The following SEM1 variants were observed in gnomAD, a reference collection of about 807,000 sequenced individuals.
SEM1 encodes SEM1 26S proteasome subunit, also known as 26S proteasome complex subunit SEM1.
Under a neutral mutation model 12.7 loss-of-function variants are expected in SEM1, and 3 were observed. That is an observed-to-expected ratio of 0.24 (90% confidence interval 0.11 to 0.61). The LOEUF (loss-of-function observed/expected upper bound fraction) is 0.61. SEM1 is among the 20% of genes least tolerant of loss of function. The pLI is 0.88. For missense variants in SEM1, 59 were observed against 81.3 expected, an observed-to-expected ratio of 0.73 and a Z score of 1.06; for synonymous variants, 30 against 27.8, an observed-to-expected ratio of 1.08 and a Z score of -0.25.
chr7:96,662,476 A>C (rs1435690319), intron 2 of SEM1, among the ~76,000 whole-genome samples: 7 of 152,114 alleles, frequency 4.6e-5, no homozygotes. Context: ...CAATGAGAAC[A>C]CATGGACACA....
chr7:96,486,153 T>C, intron 2 of SEM1: 1 of 1,403,520 alleles, frequency 7.1e-7, no homozygotes, highest in Non-Finnish European at 9.6e-7. Context: ...AGAGAGTTAA[T>C]TTTTTTTCTA....
intron 2 of SEM1, among the ~76,000 whole-genome samples, chr7:96,517,483 T>A (rs1563041834): frequency 6.6e-6 from 1 of 152,172 alleles, no homozygotes; most frequent in African/African-American, 2.4e-5. Flanking sequence ...ATAGTTGAAC[T>A]CTTCAAAGTA....
upstream of SEM1, among the ~76,000 whole-genome samples, chr7:96,496,600 G>GA (rs567504086): frequency 4.6e-5 from 7 of 151,736 alleles, no homozygotes; most frequent in East Asian, 3.9e-4. Context: ...TTTAGGATAA[G>GA]AAAAAAAATA....
intron 2 of SEM1, among the ~76,000 whole-genome samples, chr7:96,551,410 GAC>G (rs1338170906): frequency 1.3e-5 from 2 of 152,142 alleles, no homozygotes; most frequent in African/African-American, 2.4e-5. Context: ...TTTATAAGAA[GAC>G]ACAGAGGCCG....
intron 2 of SEM1, among the ~76,000 whole-genome samples, chr7:96,556,836 C>T (rs1490239611): frequency 4.7e-4 from 62 of 130,960 alleles, no homozygotes; most frequent in African/African-American, 1.0e-3. Context: ...ACCAATCAGA[C>T]GTAGATTTGG....
At chr7:96,503,801 T>C (rs1451355533) in intron 3 of SEM1, among the ~76,000 whole-genome samples, 2 of 152,076 alleles carry the variant, frequency 1.3e-5, no homozygotes, top group African/African-American at 2.4e-5. Context: ...AGCTCTGACA[T>C]TAGTTGTTGG....
chr7:96,680,745 G>A (rs576890666), intron 2 of SEM1, among the ~76,000 whole-genome samples: 234 of 152,128 alleles, frequency 1.5e-3, no homozygotes, highest in African/African-American at 5.5e-3. Context: ...TTAAAACTAC[G>A]GTTAATATAA....
intron 2 of SEM1, among the ~76,000 whole-genome samples, chr7:96,660,389 T>A (rs975829459): frequency 7.9e-5 from 12 of 152,144 alleles, no homozygotes; most frequent in Admixed American, 1.3e-4. Context: ...TCTTGATAGG[T>A]CAAAGAGATT....
intron 2 of SEM1, among the ~76,000 whole-genome samples, chr7:96,532,982 A>G (rs1804684060): frequency 6.6e-6 from 1 of 152,106 alleles, no homozygotes; most frequent in African/African-American, 2.4e-5. Flanking sequence ...GATTGGTATC[A>G]GTACTTGTTC....
At chr7:96,548,500 A>T (rs1805169852) in intron 2 of SEM1, among the ~76,000 whole-genome samples, 1 of 152,160 alleles carries the variant, frequency 6.6e-6, no homozygotes, top group South Asian at 2.1e-4. Flanking sequence ...GGAAATCTAT[A>T]TGTATACTAA....
intron 2 of SEM1, among the ~76,000 whole-genome samples, chr7:96,518,126 T>C (rs751629983): frequency 2.0e-5 from 3 of 152,158 alleles, no homozygotes; most frequent in Non-Finnish European, 4.4e-5. Context: ...ACAGTTTACG[T>C]AATCTGCATA....
At chr7:96,612,280 G>T (rs1414634743) in intron 2 of SEM1, among the ~76,000 whole-genome samples, 1 of 152,136 alleles carries the variant, frequency 6.6e-6, no homozygotes, top group Non-Finnish European at 1.5e-5. Flanking sequence ...AAATTCATCT[G>T]TAAAAAATGT....
intron 2 of SEM1, among the ~76,000 whole-genome samples, chr7:96,579,236 C>T (rs1052238820): frequency 1.1e-4 from 17 of 152,174 alleles, no homozygotes; most frequent in African/African-American, 3.9e-4. Flanking sequence ...GTCATTACTA[C>T]CATTTGAAAT....
intron 2 of SEM1, among the ~76,000 whole-genome samples, chr7:96,485,954 T>C (rs1474768661): frequency 1.3e-5 from 2 of 152,072 alleles, no homozygotes; most frequent in East Asian, 3.9e-4. Context: ...AAGGGGGACA[T>C]TGTTTAGCTT....
chr7:96,548,306 G>C (rs545175824), intron 2 of SEM1, among the ~76,000 whole-genome samples: 1 of 152,126 alleles, frequency 6.6e-6, no homozygotes, highest in South Asian at 2.1e-4. Flanking sequence ...TTCCTAAGAG[G>C]AGCCAATAGT....
chr7:96,500,927 T>G (rs73708324), upstream of SEM1, among the ~76,000 whole-genome samples: 1 of 152,262 alleles, frequency 6.6e-6, no homozygotes, highest in African/African-American at 2.4e-5. Context: ...ATCTTGTTCT[T>G]ACTCCTTTTG....
intron 2 of SEM1, among the ~76,000 whole-genome samples, chr7:96,608,630 T>C (rs1037387456): frequency 2.0e-5 from 3 of 152,186 alleles, no homozygotes; most frequent in Non-Finnish European, 4.4e-5. Context: ...GTCTACTTTC[T>C]GTCTCCAAAT....
At chr7:96,675,634 A>G (rs1371133206) in intron 2 of SEM1, among the ~76,000 whole-genome samples, 1 of 152,190 alleles carries the variant, frequency 6.6e-6, no homozygotes, top group Non-Finnish European at 1.5e-5. Context: ...GTGGGAGGAC[A>G]CTAAGTGCCA....
chr7:96,604,678 G>C (rs1230890705), intron 2 of SEM1, among the ~76,000 whole-genome samples: 1 of 152,008 alleles, frequency 6.6e-6, no homozygotes, highest in Admixed American at 6.6e-5. Context: ...CAGCACTTTT[G>C]GAGGCTGAGG....
Sources: allele counts gnomAD v4.1 joint callset (sites outside exome capture counted in the v4.1 genomes callset), GRCh38; gene constraint gnomAD v4.1.1; transcripts MANE v1.5; gene names NCBI Gene and HGNC (gene_info 2026-07-23, HGNC 2026-07-21).